Variants in PLCH1 observed in about 807,000 individuals in gnomAD.
The protein encoded by PLCH1 is phospholipase C eta 1.
Under a neutral mutation model 126.7 loss-of-function variants are expected in PLCH1, and 60 were observed. The ratio of observed to expected loss-of-function variants is 0.47; its 90% CI spans 0.38 to 0.59. The LOEUF (loss-of-function observed/expected upper bound fraction) is 0.59. Ranked by LOEUF, PLCH1 falls within the 20% of genes least tolerant of loss-of-function variation. The pLI, the probability that PLCH1 is intolerant of heterozygous loss-of-function variation, is 0.00. For synonymous variants in PLCH1, 719 were observed against 734.9 expected (o/e 0.98, Z 0.35); for missense variants, 1,723 against 2,040.0 (o/e 0.84, Z 2.99).
chr3:155,607,527 A>G (rs901428707), intron 2 of PLCH1, among the ~76,000 whole-genome samples: 4 of 151,936 alleles, frequency 2.6e-5, no homozygotes, highest in South Asian at 2.1e-4. Context: ...TGCAGCCTCA[A>G]CCTCCCTGGG....
At chr3:155,598,232 C>T (rs973101538) in intron 2 of PLCH1, among the ~76,000 whole-genome samples, 1 of 152,084 alleles carries the variant, frequency 6.6e-6, no homozygotes, top group Non-Finnish European at 1.5e-5. Context: ...GAAATGCTCA[C>T]TTTAAAGCAC....
At chr3:155,653,382 T>A (rs1740987960) in intron 2 of PLCH1, among the ~76,000 whole-genome samples, 1 of 152,176 alleles carries the variant, frequency 6.6e-6, no homozygotes, top group African/African-American at 2.4e-5. Context: ...TTATTTCACC[T>A]TATTGGGAGG....
At chr3:155,722,113 T>C (rs1457149719) in intron 1 of PLCH1, among the ~76,000 whole-genome samples, 1 of 152,088 alleles carries the variant, frequency 6.6e-6, no homozygotes, top group Non-Finnish European at 1.5e-5. Flanking sequence ...AGGAAGGCTT[T>C]TGATTTTTCT....
Position 155,482,353 on chromosome 3 carries a change from C to G in PLCH1, c.3673G>C (p.Gly1225Arg). The stretch of plus-strand genomic sequence containing the variant: ...CCATGCTTGATGGGCATTTTTAGGC[C>G]CAGGCTAGGCAAGGGACAATGGCCT... ...MSGHCPLPSL[G>R]LKMPIKHGFC... is the part of the protein sequence containing the mutation. Residue 1225 changes from glycine (G) to arginine (R), a missense_variant, in exon 23 of 23, where the codon GGC becomes CGC. This residue lies in a region of PLCH1 where 947 missense variants were observed against 977.1 expected (regional missense o/e 0.97). Transcript: ENST00000460012. The G allele has an allele frequency of 6.2e-7, 1 of 1,613,924 alleles. No individual in the cohort carries two copies. The highest frequency in any genetic ancestry group is 8.5e-7 in the Non-Finnish European group (1 of 1,179,978).
chr3:155,452,935 C>T (rs1015428617), intron 21 of PLCH1, among the ~76,000 whole-genome samples: 18 of 152,266 alleles, frequency 1.2e-4, no homozygotes, highest in Admixed American at 1.0e-3. Flanking sequence ...AACTCCCAGC[C>T]TCACAAGGTA....
chr3:155,627,036 C>A (rs1737392178), intron 2 of PLCH1, among the ~76,000 whole-genome samples: 1 of 152,054 alleles, frequency 6.6e-6, no homozygotes. Context: ...TACCCTTACT[C>A]ATGGTTAAAA....
rs113388323 is a variant in PLCH1 at position 155,543,150 on chromosome 3, G to C, written c.1362+6637C>G. Reference sequence around the variant, plus strand: ...AGTTGAAAACTTTGAAAAAAATTTAGACGAATGTATAACTAGAAGAACCAA... The same window carrying C: ...AGTTGAAAACTTTGAAAAAAATTTACACGAATGTATAACTAGAAGAACCAA... On this transcript the variant is annotated intron_variant, in intron 10 of 22. Transcript: ENST00000460012. 1.2e-3 allele frequency among the ~76,000 whole-genome samples: 188 copies of C among 152,264 alleles called. 1 individual carries two copies. The highest frequency in any genetic ancestry group is 4.3e-3 in the African/African-American group (178 of 41,534).
chr3:155,633,195 T>C (rs1415521978), intron 2 of PLCH1, among the ~76,000 whole-genome samples: 1 of 152,136 alleles, frequency 6.6e-6, no homozygotes, highest in African/African-American at 2.4e-5. Flanking sequence ...ACCTACCTAC[T>C]TGTTAGATCC....
At chr3:155,709,386 T>C (rs1045975079) in intron 1 of PLCH1, among the ~76,000 whole-genome samples, 1 of 152,204 alleles carries the variant, frequency 6.6e-6, no homozygotes, top group African/African-American at 2.4e-5. Flanking sequence ...ATATTTTGTA[T>C]CATTTTGCAT....
intron 4 of PLCH1, among the ~76,000 whole-genome samples, 190 bp downstream of exon 4, chr3:155,593,751 G>A (rs1167648101): frequency 6.6e-6 from 1 of 152,186 alleles, no homozygotes; most frequent in Non-Finnish European, 1.5e-5. Context: ...AAGCTTAAGT[G>A]TCCATACATT....
chr3:155,485,213 G>A (rs896558732), intron 22 of PLCH1, 143 bp downstream of exon 22: 1 of 594,322 alleles, frequency 1.7e-6, no homozygotes. Context: ...AAAATCTTCT[G>A]GTCTGGAAGA....
downstream of PLCH1, among the ~76,000 whole-genome samples, chr3:155,474,948 G>C (rs1446839960): frequency 9.2e-5 from 10 of 108,372 alleles, no homozygotes; most frequent in Non-Finnish European, 1.8e-4. Flanking sequence ...GAGGGGGGAG[G>C]GATAGCATTG....
At chr3:155,518,413 A>C (rs1260602485) in intron 11 of PLCH1, among the ~76,000 whole-genome samples, 3 of 152,174 alleles carry the variant, frequency 2.0e-5, no homozygotes, top group African/African-American at 7.2e-5. Context: ...AAAATGGCTG[A>C]ATTGCAGCTT....
chr3:155,475,773 A>G (rs2107987866), downstream of PLCH1, among the ~76,000 whole-genome samples: 1 of 152,312 alleles, frequency 6.6e-6, no homozygotes, highest in East Asian at 1.9e-4. Context: ...GAAGAAATCC[A>G]AAACCCAAAC....
At chr3:155,646,797 G>T (rs1182941217) in intron 2 of PLCH1, among the ~76,000 whole-genome samples, 2 of 152,050 alleles carry the variant, frequency 1.3e-5, no homozygotes, top group African/African-American at 4.8e-5. Flanking sequence ...CCAAGCTCAC[G>T]CTCTCTATAC....
intron 6 of PLCH1, among the ~76,000 whole-genome samples, chr3:155,581,807 C>T (rs957882285): frequency 1.3e-5 from 2 of 148,872 alleles, no homozygotes; most frequent in Non-Finnish European, 3.0e-5. Context: ...AGTGCAATGA[C>T]GCTATCTCGG....
At chr3:155,536,148 C>T (rs1282089726) in intron 10 of PLCH1, among the ~76,000 whole-genome samples, 2 of 152,188 alleles carry the variant, frequency 1.3e-5, no homozygotes, top group Non-Finnish European at 2.9e-5. Flanking sequence ...AGAAGACCAC[C>T]CTGTGGGACA....
At chr3:155,584,342 G>A (rs1323593963) in intron 5 of PLCH1, among the ~76,000 whole-genome samples, 4 of 152,218 alleles carry the variant, frequency 2.6e-5, no homozygotes, top group Non-Finnish European at 4.4e-5. Flanking sequence ...ACCTATGAGA[G>A]AATCTCTCTT....
intron 21 of PLCH1, among the ~76,000 whole-genome samples, chr3:155,469,408 C>A (rs1713074765): frequency 6.6e-6 from 1 of 152,240 alleles, no homozygotes; most frequent in South Asian, 2.1e-4. Flanking sequence ...TATCCCGCAC[C>A]TGGCTCGGAG....
Sources: gnomAD v4.1 joint callset for allele counts (sites outside exome capture counted in the v4.1 genomes callset) on GRCh38, gnomAD v4.1.1 for gene constraint, gnomAD v4.1.1 regional missense constraint, MANE v1.5 for transcripts, NCBI Gene and HGNC (gene_info 2026-07-23, HGNC 2026-07-21) for gene names.